The following OR1J2 variants were observed in gnomAD, a reference collection of about 807,000 sequenced individuals.
OR1J2 encodes the protein olfactory receptor family 1 subfamily J member 2, also known as olfactory receptor 1J2.
For synonymous variants in OR1J2, 142 were observed against 99.7 expected, an observed-to-expected ratio of 1.42 and a Z score of -2.52; for missense variants, 304 against 246.1, an observed-to-expected ratio of 1.24 and a Z score of -1.57.
At chr9:122,516,343 G>T (rs1828699653), downstream of OR1J2, among the ~76,000 whole-genome samples, 1 of 124,798 alleles carries the variant, frequency 8.0e-6, no homozygotes, top group Non-Finnish European at 1.6e-5. Flanking sequence ...TCGCTCTGTC[G>T]CCCAGGCTGG....
downstream of OR1J2, among the ~76,000 whole-genome samples, chr9:122,511,940 A>T (rs1828646556): frequency 1.3e-5 from 2 of 152,198 alleles, no homozygotes; most frequent in Admixed American, 6.5e-5. Context: ...GTTTTTGGTC[A>T]GTGAATGCCA....
chr9:122,467,150 T>C, the OR1J2 span, among the ~76,000 whole-genome samples: 5 of 152,276 alleles, frequency 3.3e-5, no homozygotes, highest in Admixed American at 2.6e-4. Flanking sequence ...ACTGTGCTCA[T>C]TGATGCCACA....
chr9:122,482,262 T>C, the OR1J2 span, among the ~76,000 whole-genome samples: 1 of 152,158 alleles, frequency 6.6e-6, no homozygotes, highest in African/African-American at 2.4e-5. Context: ...AATAGGTATA[T>C]GGAAAACCAC....
At chr9:122,524,790 G>T in the OR1J2 span, among the ~76,000 whole-genome samples, 1 of 152,132 alleles carries the variant, frequency 6.6e-6, no homozygotes, top group South Asian at 2.1e-4. Context: ...GTGGACATAG[G>T]TTTCAGATAT....
At chr9:122,526,429 T>C in the OR1J2 span, 17 of 1,522,584 alleles carry the variant, frequency 1.1e-5, no homozygotes, top group Non-Finnish European at 1.4e-5. Context: ...TTCCTTAGGC[T>C]ATAGATAAAG....
At chr9:122,493,157 A>G in the OR1J2 span, among the ~76,000 whole-genome samples, 2 of 151,922 alleles carry the variant, frequency 1.3e-5, no homozygotes, top group East Asian at 1.9e-4. Context: ...ATATTGGCCT[A>G]TAGTTTTCTT....
At chr9:122,553,496 CTCG>C in the OR1J2 span, 1 of 1,613,960 alleles carries the variant, frequency 6.2e-7, no homozygotes, top group Non-Finnish European at 8.5e-7. Context: ...GTCAGATCAT[CTCG>C]TATTCTGGGT....
chr9:122,451,366 G>A, the OR1J2 span, among the ~76,000 whole-genome samples: 1 of 151,846 alleles, frequency 6.6e-6, no homozygotes, highest in African/African-American at 2.4e-5. Flanking sequence ...TGTATTTTTA[G>A]TAGAGATGGG....
At chr9:122,559,054 A>G in the OR1J2 span, among the ~76,000 whole-genome samples, 1 of 152,080 alleles carries the variant, frequency 6.6e-6, no homozygotes, top group African/African-American at 2.4e-5. Context: ...TTGAGGTGAG[A>G]ACATTCACAA....
Position 122,511,060 on chromosome 9 carries a change from A to G in OR1J2, c.259A>G (p.Thr87Ala). ...TVPKMLMDMRTKYKSILYEEC... is the reference protein window; with the variant it reads ...TVPKMLMDMRAKYKSILYEEC... ...CCCTAAGATGCTGATGGACATGCGG[A>G]CTAAGTACAAATCGATCCTCTATGA... Residue 87 changes from threonine to alanine, a missense_variant, in exon 1 of 1, where the codon ACT becomes GCT. By Grantham distance (58) the Thr-to-Ala change is moderately conservative. Transcript: ENST00000335302. 1 of 1,409,776 alleles carries G rather than the reference A, an allele frequency of 7.1e-7. No individual in the cohort carries two copies. Among genetic ancestry groups the G allele is most frequent in the Non-Finnish European group, 1.0e-6 (1 of 1,002,564 alleles). The allele number at this position is 1,409,776 out of a possible 1,614,324, so 87.3% of individuals were successfully genotyped here. A position where few individuals can be genotyped will look rare whatever the true frequency, so the allele number is the denominator to read the frequency against.
chr9:122,480,185 CAAAT>C, the OR1J2 span, among the ~76,000 whole-genome samples: 3 of 151,582 alleles, frequency 2.0e-5, no homozygotes, highest in Admixed American at 1.3e-4. Flanking sequence ...GTGATTAAAA[CAAAT>C]AAATATTTGC....
chr9:122,476,951 G>A, the OR1J2 span: 23 of 1,168,344 alleles, frequency 2.0e-5, no homozygotes, highest in Admixed American at 1.5e-4. Context: ...CAGGTGATCC[G>A]TCTGCCTCAG....
chr9:122,477,668 T>C, the OR1J2 span: 1 of 1,614,114 alleles, frequency 6.2e-7, no homozygotes, highest in Non-Finnish European at 8.5e-7. Context: ...AGGTGCTGAG[T>C]CTGCATGTTC....
chr9:122,477,167 T>C, the OR1J2 span: 5 of 1,614,154 alleles, frequency 3.1e-6, no homozygotes, highest in Non-Finnish European at 4.2e-6. Flanking sequence ...CCAATAATTG[T>C]CCGATAATAG....
the OR1J2 span, among the ~76,000 whole-genome samples, chr9:122,494,963 A>G: frequency 2.0e-5 from 3 of 152,212 alleles, no homozygotes; most frequent in Non-Finnish European, 4.4e-5. Flanking sequence ...TGCTGGATAC[A>G]AAATTCTTGG....
upstream of OR1J2, among the ~76,000 whole-genome samples, chr9:122,509,514 C>T (rs1481924866): frequency 6.6e-6 from 1 of 152,194 alleles, no homozygotes; most frequent in Non-Finnish European, 1.5e-5. Context: ...AAATAAATTT[C>T]CCTAAAGTAT....
chr9:122,458,059 C>T, the OR1J2 span, among the ~76,000 whole-genome samples: 2 of 152,022 alleles, frequency 1.3e-5, no homozygotes, highest in African/African-American at 2.4e-5. Flanking sequence ...TCTGCTGGGA[C>T]ATTTTCCCCT....
the OR1J2 span, chr9:122,553,465 T>C: frequency 6.2e-7 from 1 of 1,614,144 alleles, no homozygotes; most frequent in East Asian, 2.2e-5. Context: ...CCCAAAATGC[T>C]GGCCAACATT....
chr9:122,466,304 T>C, the OR1J2 span, among the ~76,000 whole-genome samples: 1 of 152,210 alleles, frequency 6.6e-6, no homozygotes, highest in Non-Finnish European at 1.5e-5. Context: ...AATCCAAGAC[T>C]GTACCCAAAA....
Sources: allele counts gnomAD v4.1 joint callset (sites outside exome capture counted in the v4.1 genomes callset), GRCh38; gene constraint gnomAD v4.1.1; transcripts MANE v1.5; gene names NCBI Gene and HGNC (gene_info 2026-07-23, HGNC 2026-07-21).